AKAP9: variants seen among roughly 807,000 people sequenced by gnomAD.
AKAP9 encodes the protein A-kinase anchor protein 9.
Under a neutral mutation model 488.5 loss-of-function variants are expected in AKAP9, and 311 were observed. The ratio of observed to expected loss-of-function variants is 0.64; its 90% CI spans 0.58 to 0.70. The LOEUF is 0.70. AKAP9 is among the 30% of genes least tolerant of loss of function. AKAP9 has a pLI of 0.00. For missense variants in AKAP9, 4,215 were observed against 4,374.5 expected (o/e 0.96, Z 1.03); for synonymous variants, 1,462 against 1,483.5 (o/e 0.99, Z 0.33).
intron 46 of AKAP9, among the ~76,000 whole-genome samples, chr7:92,104,713 G>A (rs547054750): frequency 5.3e-5 from 8 of 152,218 alleles, no homozygotes; most frequent in Admixed American, 1.3e-4. Flanking sequence ...GACCCTCCTT[G>A]CTTCTGATAT....
intron 3 of AKAP9, among the ~76,000 whole-genome samples, chr7:91,989,567 A>G (rs1282824251): frequency 1.4e-4 from 21 of 152,102 alleles, no homozygotes; most frequent in Admixed American, 1.4e-3. Flanking sequence ...TGCCATGTAT[A>G]GAAAGATGAA....
At chr7:92,081,497 A>ATATATTTT (rs1370452281) in intron 31 of AKAP9, among the ~76,000 whole-genome samples, 2 of 85,380 alleles carry the variant, frequency 2.3e-5, no homozygotes, top group Admixed American at 2.8e-4. Flanking sequence ...ATATATATAT[A>ATATATTTT]TTTTTTTTTT....
At position 92,095,020 on chromosome 7, in the gene AKAP9, T is replaced by C; in HGVS notation, c.9579-3T>C. The C allele has an allele frequency of 6.2e-7, 1 of 1,613,656 alleles. No individual in the cohort carries two copies. The highest frequency in any genetic ancestry group is 8.5e-7 in the Non-Finnish European group (1 of 1,179,592). On this transcript the variant is annotated splice_region_variant and splice_polypyrimidine_tract_variant and intron_variant, in intron 39 of 49. Transcript: ENST00000356239. ...TGGAAATTCATTTGTCTTTCTGACT[T>C]AGGTTGGAAGTTAAAGATAAGACAG...
In AKAP9 at chr7:92,082,578, G is replaced by C; in HGVS notation, c.8076G>C (p.Glu2692Asp). The C allele has an allele frequency of 6.2e-7, 1 of 1,613,836 alleles. No homozygotes were observed. Among genetic ancestry groups the C allele is most frequent in the South Asian group, 1.1e-5 (1 of 91,078 alleles). The change falls in exon 32 of 50, where the codon GAG becomes GAC. Residue 2692 changes from glutamate to aspartate, a missense_variant. By Grantham distance (45) the Glu-to-Asp change is conservative. Around this residue, in one of 5 missense-constraint regions of AKAP9, gnomAD observed 1,476 missense variants for 1,477.4 expected, o/e 1.00. Coordinates refer to ENST00000356239, the MANE Select transcript of AKAP9 (RefSeq NM_005751.5). ...AAAGTGGATTTTTTAATGAACTCGA[G>C]GCTCTTAGAGCTGAATCAGTGGCTA... is the stretch of plus-strand genomic sequence containing the variant. Reference protein sequence around the residue: ...NEESGFFNELEALRAESVATK... With the variant: ...NEESGFFNELDALRAESVATK...
intron 2 of AKAP9, among the ~76,000 whole-genome samples, chr7:91,979,631 A>G (rs1019146674): frequency 8.5e-5 from 13 of 152,218 alleles, no homozygotes; most frequent in Admixed American, 7.9e-4. Context: ...TAATTGATAA[A>G]TTAGGCACTG....
chr7:92,065,137 A>G (rs900077752), intron 24 of AKAP9, 94 bp from the exon 25 acceptor site: 6 of 740,080 alleles, frequency 8.1e-6, no homozygotes, highest in Middle Eastern at 3.9e-4. Flanking sequence ...TCAGCCTTTC[A>G]TGAACGTAAA....
intron 28 of AKAP9, 28 bp downstream of exon 28, chr7:92,071,037 G>A: frequency 1.3e-6 from 2 of 1,532,800 alleles, no homozygotes; most frequent in Non-Finnish European, 1.8e-6. Context: ...AAATGACACA[G>A]CGTGGTTTGA....
At chr7:92,051,781 T>G (rs1563052696) in intron 21 of AKAP9, among the ~76,000 whole-genome samples, 1 of 152,210 alleles carries the variant, frequency 6.6e-6, no homozygotes, top group Non-Finnish European at 1.5e-5. Flanking sequence ...CTTTAATTGG[T>G]TAACTTTGTA....
rs778468936 is a variant in AKAP9 at position 92,002,634 on chromosome 7, A to T, written c.2717A>T (p.Asn906Ile). The change falls in exon 8 of 50, where the codon AAT becomes ATT. Residue 906 changes from asparagine (N) to isoleucine (I), a missense_variant. Coordinates refer to ENST00000356239, the MANE Select transcript of AKAP9 (RefSeq NM_005751.5). ...LNEELHLQRI[N>I]PTTVKMKSSV... ...GAAGAGCTTCATTTGCAAAGAATAAATCCAACTACAGTGAAAATGAAAAGT... is the reference window on the plus strand; with the variant it reads ...GAAGAGCTTCATTTGCAAAGAATAATTCCAACTACAGTGAAAATGAAAAGT... The T allele has an allele frequency of 6.2e-7, 1 of 1,612,848 alleles. No homozygotes were observed. Among genetic ancestry groups the T allele is most frequent in the Non-Finnish European group, 8.5e-7 (1 of 1,179,428 alleles).
At chr7:92,048,732 C>A (rs571357717) in intron 21 of AKAP9, among the ~76,000 whole-genome samples, 2 of 152,310 alleles carry the variant, frequency 1.3e-5, no homozygotes, top group South Asian at 4.1e-4. Context: ...CATGGTGAAA[C>A]CCCGTCTCTA....
At chr7:91,959,536 C>A (rs1321658275) in intron 1 of AKAP9, among the ~76,000 whole-genome samples, 1 of 152,120 alleles carries the variant, frequency 6.6e-6, no homozygotes, top group African/African-American at 2.4e-5. Flanking sequence ...AAACTCCTGG[C>A]CTCAAGTGAT....
At position 92,016,285 on chromosome 7, in the gene AKAP9, T is replaced by TTAACCATAAATACC; in HGVS notation, c.3751+18_3751+19insTAACCATAAATACC. The stretch of plus-strand genomic sequence containing the variant: ...AGTTCAAGGTAATAAAAGCTTACCA[T>TTAACCATAAATACC]ACTATTAAACAGTATTTAATCCTCT... On this transcript the variant is annotated intron_variant, in intron 11 of 49. Transcript: ENST00000356239. 1 of 1,483,044 alleles carries TTAACCATAAATACC rather than the reference T, an allele frequency of 6.7e-7. No individual in the cohort carries two copies. Among genetic ancestry groups the TTAACCATAAATACC allele is most frequent in the Non-Finnish European group, 9.3e-7 (1 of 1,069,892 alleles). 91.9% of individuals were successfully genotyped at this position (1,483,044 alleles called of 1,614,324 possible).
In AKAP9 at chr7:92,100,953, C is replaced by A. The variant is rs1354500244; in HGVS notation, c.10994C>A (p.Ser3665Tyr). The change falls in exon 45 of 50, where the codon TCT becomes TAT. Residue 3665 changes from serine (S) to tyrosine (Y), a missense_variant. Physicochemically the swap from Ser to Tyr is moderately radical, Grantham distance 144 (BLOSUM62 -2). Around this residue, in one of 5 missense-constraint regions of AKAP9, gnomAD observed 74 missense variants for 113.0 expected, o/e 0.65. Transcript: ENST00000356239. Reference sequence around the variant, plus strand: ...AGAGAAAAATTGACTCTCCAGAAATCTTTGAAAAGGGCAGAGGCTGAAGTA... The same window carrying A: ...AGAGAAAAATTGACTCTCCAGAAATATTTGAAAAGGGCAGAGGCTGAAGTA... ...WNREKLTLQK[S>Y]LKRAEAEVYK... 6.2e-7 allele frequency: 1 copy of A among 1,614,122 alleles called. No individual in the cohort carries two copies.
intron 22 of AKAP9, among the ~76,000 whole-genome samples, chr7:92,054,853 A>G (rs1040382727): frequency 6.6e-6 from 1 of 151,986 alleles, no homozygotes; most frequent in Non-Finnish European, 1.5e-5. Context: ...AGAATGCTTA[A>G]GAGACTGTCA....
At chr7:92,044,972 T>C in intron 20 of AKAP9, 36 bp from the exon 21 acceptor site, 1 of 1,536,178 alleles carries the variant, frequency 6.5e-7, no homozygotes, top group Non-Finnish European at 9.0e-7. Flanking sequence ...TTCAAAAATA[T>C]TAAACATTTT....
At chr7:92,009,071 T>C (rs1800335236) in intron 8 of AKAP9, among the ~76,000 whole-genome samples, 1 of 151,350 alleles carries the variant, frequency 6.6e-6, no homozygotes, top group African/African-American at 2.4e-5. Flanking sequence ...ATAATCCCAG[T>C]GCTTCGGATG....
intron 3 of AKAP9, 136 bp downstream of exon 3, chr7:91,980,469 A>T: frequency 4.2e-6 from 1 of 236,250 alleles, no homozygotes; most frequent in Non-Finnish European, 8.2e-6. Context: ...TTAAGTGACT[A>T]GAACCTGAGG....
At chr7:92,081,499 T>TATA (rs1813572648) in intron 31 of AKAP9, among the ~76,000 whole-genome samples, 2 of 139,020 alleles carry the variant, frequency 1.4e-5, no homozygotes, top group African/African-American at 5.3e-5. Context: ...ATATATATAT[T>TATA]TTTTTTTTTT....
chr7:92,083,494 G>A lies in AKAP9; in HGVS notation c.8485G>A (p.Glu2829Lys), dbSNP rs149946443. 4.9e-4 allele frequency: 784 copies of A among 1,612,100 alleles called. 2 individuals carry two copies. In the African/African-American group the frequency reaches 9.8e-3, roughly 20 times the overall value. The change falls in exon 33 of 50, where the codon GAG (glutamate) becomes AAG (lysine). Residue 2829 changes from glutamate (E) to lysine (K), a missense_variant. Glu to Lys is a moderately conservative substitution (Grantham distance 56, BLOSUM62 1). This residue lies in a region of AKAP9 where 1,476 missense variants were observed against 1,477.4 expected (regional missense o/e 1.00). Coordinates refer to ENST00000356239, the MANE Select transcript of AKAP9 (RefSeq NM_005751.5). ...EIISQFTEKI[E>K]KMQELHAAEI... ...AATCAGTCAGTTTACTGAAAAAATT[G>A]AGAAGATGCAAGAACTACATGCTGC...
Sources: gnomAD v4.1 joint callset for allele counts (sites outside exome capture counted in the v4.1 genomes callset) on GRCh38, gnomAD v4.1.1 for gene constraint, gnomAD v4.1.1 regional missense constraint, MANE v1.5 for transcripts, NCBI Gene and HGNC (gene_info 2026-07-23, HGNC 2026-07-21) for gene names.